Variants in RBFOX1 observed in about 807,000 individuals in gnomAD.
RBFOX1 encodes the protein RNA binding protein fox-1 homolog 1.
In RBFOX1, 8 loss-of-function variants were observed where a neutral mutation model predicts 57.7. That is an observed-to-expected ratio of 0.14 (90% CI 0.08 to 0.25). The LOEUF (loss-of-function observed/expected upper bound fraction) is 0.25. RBFOX1 is among the 10% of genes least tolerant of loss of function. The pLI is 1.00. For missense variants in RBFOX1, 611 were observed against 548.5 expected (o/e 1.11, Z -1.14); for synonymous variants, 326 against 222.4 (o/e 1.47, Z -4.15).
intron 2 of RBFOX1, among the ~76,000 whole-genome samples, chr16:6,447,373 T>A (rs1469604001): frequency 6.6e-6 from 1 of 152,196 alleles, no homozygotes; most frequent in Non-Finnish European, 1.5e-5. Context: ...ATTACATACC[T>A]GTTTGAAGCT....
At chr16:7,701,518 A>C (rs1272119806) in intron 14 of RBFOX1, among the ~76,000 whole-genome samples, 1 of 152,184 alleles carries the variant, frequency 6.6e-6, no homozygotes, top group East Asian at 1.9e-4. Flanking sequence ...TTTTTTCCTG[A>C]AACTATTCTC....
chr16:5,352,028 A>T (rs2065273108), intron 1 of RBFOX1, among the ~76,000 whole-genome samples: 1 of 150,774 alleles, frequency 6.6e-6, no homozygotes, highest in Admixed American at 6.6e-5. Context: ...CTGGTCTTGA[A>T]CTCCTGACCT....
intron 12 of RBFOX1, among the ~76,000 whole-genome samples, chr16:7,654,911 A>G (rs1597392759): frequency 6.6e-6 from 1 of 152,306 alleles, no homozygotes; most frequent in East Asian, 1.9e-4. Flanking sequence ...ATCAGACTCA[A>G]AGTCAGTCAT....
At chr16:6,905,166 C>T (rs555729686) in intron 3 of RBFOX1, among the ~76,000 whole-genome samples, 4 of 152,176 alleles carry the variant, frequency 2.6e-5, no homozygotes, top group East Asian at 1.9e-4. Flanking sequence ...TTTTCAAATC[C>T]TTTATTCTTT....
chr16:6,399,552 A>G (rs1203652136), intron 2 of RBFOX1, among the ~76,000 whole-genome samples: 2 of 151,992 alleles, frequency 1.3e-5, no homozygotes, highest in Admixed American at 6.6e-5. Flanking sequence ...CACCATCAGC[A>G]TTCAACAAGT....
chr16:6,425,043 TGTG>T (rs1405310094), intron 2 of RBFOX1, among the ~76,000 whole-genome samples: 10 of 152,234 alleles, frequency 6.6e-5, no homozygotes, highest in Admixed American at 6.5e-4. Context: ...ATTTTCACTA[TGTG>T]TTGTTTAATA....
intron 1 of RBFOX1, among the ~76,000 whole-genome samples, chr16:5,257,723 C>T (rs1415115361): frequency 2.0e-5 from 3 of 152,136 alleles, no homozygotes; most frequent in Non-Finnish European, 4.4e-5. Flanking sequence ...CTGGGAGAGT[C>T]CCCAGTGTCA....
Position 5,416,877 on chromosome 16 carries a change from C to T in RBFOX1, c.220-50339C>T, listed in dbSNP as rs568154786. Reference sequence around the variant, plus strand: ...TAGCGTTTGTTACTGCGGCATAACCCAGCCCATCCTGCCTATCTGATAGAC... The same window carrying T: ...TAGCGTTTGTTACTGCGGCATAACCTAGCCCATCCTGCCTATCTGATAGAC... On this transcript the variant is annotated intron_variant, in intron 1 of 2. Coordinates refer to the RBFOX1 transcript ENST00000585867. Among the ~76,000 whole-genome samples the T allele has an allele frequency of 3.3e-5, 5 of 152,246 alleles. No individual in the cohort carries two copies. The East Asian group carries it at 7.7e-4, about 24-fold the overall frequency.
chr16:5,862,639 G>T (rs1196452755), intron 3 of RBFOX1, among the ~76,000 whole-genome samples: 1 of 152,182 alleles, frequency 6.6e-6, no homozygotes, highest in Non-Finnish European at 1.5e-5. Flanking sequence ...CAGCTCTACT[G>T]CTTGCCAGGG....
At chr16:6,542,784 G>A (rs764151076) in intron 2 of RBFOX1, among the ~76,000 whole-genome samples, 4 of 151,976 alleles carry the variant, frequency 2.6e-5, no homozygotes, top group East Asian at 1.9e-4. Flanking sequence ...GAACCACTGC[G>A]CCCGGCCGGG....
At chr16:6,753,051 A>G (rs1219095223) in intron 3 of RBFOX1, among the ~76,000 whole-genome samples, 2 of 148,062 alleles carry the variant, frequency 1.4e-5, no homozygotes, top group South Asian at 2.2e-4. Context: ...CATAGTGGTC[A>G]TATAGTATTA....
In RBFOX1 at chr16:7,545,467, C is replaced by T. The variant is rs192239188; in HGVS notation, c.270+27078C>T. Among the ~76,000 whole-genome samples, 315 of 152,232 alleles carry T rather than the reference C, an allele frequency of 2.1e-3. 1 individual carries two copies. Among genetic ancestry groups the T allele is most frequent in the Non-Finnish European group, 3.6e-3 (244 of 68,008 alleles). Reference sequence around the variant, plus strand: ...GTAATTCTAGGAGACATCAAAACCCCAGCCCTGGCACCCCCCGACCTTCCC... The same window carrying T: ...GTAATTCTAGGAGACATCAAAACCCTAGCCCTGGCACCCCCCGACCTTCCC... On this transcript the variant is annotated intron_variant, in intron 5 of 15. Coordinates refer to ENST00000550418, the MANE Select transcript of RBFOX1 (RefSeq NM_018723.4).
intron 1 of RBFOX1, among the ~76,000 whole-genome samples, chr16:6,268,534 T>G (rs1305752277): frequency 1.3e-5 from 2 of 152,204 alleles, no homozygotes; most frequent in Non-Finnish European, 2.9e-5. Flanking sequence ...TTCCTGAATC[T>G]GCAGTATAAA....
At chr16:6,970,601 A>G (rs2085321982) in intron 3 of RBFOX1, among the ~76,000 whole-genome samples, 1 of 152,148 alleles carries the variant, frequency 6.6e-6, no homozygotes, top group African/African-American at 2.4e-5. Context: ...TGGAAGGGAA[A>G]AAGCACTCCC....
chr16:6,104,257 A>G (rs1292569795), intron 1 of RBFOX1, among the ~76,000 whole-genome samples: 4 of 152,226 alleles, frequency 2.6e-5, no homozygotes, highest in African/African-American at 2.4e-5. Context: ...TAATGGTTCC[A>G]TTTAAAATAC....
intron 4 of RBFOX1, among the ~76,000 whole-genome samples, chr16:7,311,625 G>C (rs2096311858): frequency 6.6e-6 from 1 of 151,962 alleles, no homozygotes; most frequent in Admixed American, 6.6e-5. Flanking sequence ...CCAGGCACGG[G>C]GCAAGCCCTG....
chr16:5,518,439 A>G (rs1335106527), intron 2 of RBFOX1, among the ~76,000 whole-genome samples: 2 of 152,152 alleles, frequency 1.3e-5, no homozygotes, highest in Admixed American at 6.5e-5. Flanking sequence ...GACTATTCAG[A>G]TTTTACTACT....
At chr16:6,337,909 A>T (rs758572329) in intron 2 of RBFOX1, among the ~76,000 whole-genome samples, 3 of 152,206 alleles carry the variant, frequency 2.0e-5, no homozygotes, top group Non-Finnish European at 4.4e-5. Flanking sequence ...GGAAGGCAGC[A>T]TGCTCATATC....
At chr16:5,636,132 G>A (rs1363048077) in intron 3 of RBFOX1, among the ~76,000 whole-genome samples, 1 of 152,074 alleles carries the variant, frequency 6.6e-6, no homozygotes, top group Non-Finnish European at 1.5e-5. Flanking sequence ...TGGATCACCT[G>A]AGGTCAGGAG....
Sources: allele counts gnomAD v4.1 joint callset (sites outside exome capture counted in the v4.1 genomes callset), GRCh38; gene constraint gnomAD v4.1.1; transcripts MANE v1.5; gene names NCBI Gene and HGNC (gene_info 2026-07-23, HGNC 2026-07-21).